FAM221B: variants seen among roughly 807,000 people sequenced by gnomAD.
FAM221B encodes the protein protein FAM221B.
In FAM221B, 35 loss-of-function variants were observed where a neutral mutation model predicts 39.8. The observed-to-expected ratio is 0.88, with a 90% confidence interval of 0.67 to 1.17. The LOEUF is 1.17. Among genes scored for constraint, FAM221B ranks in the 50% most tolerant of loss-of-function variants. FAM221B has a pLI of 0.00. For synonymous variants in FAM221B, 158 were observed against 178.1 expected (o/e 0.89, Z 0.90); for missense variants, 479 against 503.1 (o/e 0.95, Z 0.46).
Position 35,826,024 on chromosome 9 carries a change from C to T in FAM221B, c.138G>A (p.Glu46=), listed in dbSNP as rs766763073. The T allele has an allele frequency of 3.1e-6, 5 of 1,614,066 alleles. No individual in the cohort carries two copies. The highest frequency in any genetic ancestry group is 1.1e-5 in the South Asian group (1 of 91,078). ...CAGAGGTATGGGGCTCTAACGGGGT[C>T]TCAGAGGTGGAAGGCTTCAAGAAGC... ...SESFLKPSTS[E]TPLEPHTSES... Residue 46 remains glutamate (E), a synonymous_variant, in exon 2 of 7, where the codon GAG becomes GAA. Coordinates refer to ENST00000423537, the MANE Select transcript of FAM221B (RefSeq NM_001012446.4).
rs147573108 is a variant in FAM221B, at chr9:35,826,477, A to C, written c.1-316T>G. The stretch of plus-strand genomic sequence containing the variant: ...CATGTCCCAGGAGGGAGTCTGAACA[A>C]CACCACTTGGGCAGTCCAAGAGCAG... On this transcript the variant is annotated intron_variant, in intron 1 of 6. Transcript: ENST00000423537. Among the ~76,000 whole-genome samples the C allele has an allele frequency of 5.0e-3, 762 of 152,258 alleles. 1 individual carries two copies. The highest frequency in any genetic ancestry group is 8.5e-3 in the Non-Finnish European group (576 of 68,002).
intron 3 of FAM221B, chr9:35,821,735 T>G: frequency 1.0e-5 from 6 of 590,846 alleles, no homozygotes; most frequent in Non-Finnish European, 1.7e-5. Flanking sequence ...TAGGAATCAG[T>G]GCCCAGCATT....
Position 35,819,342 on chromosome 9 carries a change from A to G in FAM221B, c.906T>C (p.Phe302=). The G allele has an allele frequency of 1.9e-6, 3 of 1,551,750 alleles. No homozygotes were observed. In the African/African-American group the frequency reaches 4.1e-5, roughly 21 times the overall value. Residue 302 remains phenylalanine (F), a synonymous_variant, in exon 5 of 7, where the codon TTT becomes TTC. Transcript: ENST00000423537. ...CCACCTCCTCTGGGCGTGATGGGAT[A>G]AAGCAGAACATGAAGCAGCGGCACT... ...VSQCRCFMFC[F]IPSRPEEVGE... is the part of the protein sequence containing the mutation.
chr9:35,825,782 T>C lies in FAM221B; in HGVS notation c.380A>G (p.Asp127Gly), dbSNP rs187463739. ...CLSSSDTLKE[D>G]LSSESSSNEV... ...ATTGGAAGAAGACTCAGAGGAGAGG[T>C]CTTCCTTCAGAGTATCAGAAGAAGA... is the stretch of plus-strand genomic sequence containing the variant. The change falls in exon 2 of 7, where the codon GAC (aspartate) becomes GGC (glycine). Residue 127 changes from aspartate to glycine, a missense_variant. Coordinates refer to ENST00000423537, the MANE Select transcript of FAM221B (RefSeq NM_001012446.4). This position sits in a 1 kb window ranked among gnomAD's most constrained non-coding sequence, Gnocchi z 4.2. The C allele has an allele frequency of 9.5e-5, 153 of 1,613,462 alleles. 2 individuals are homozygous for C. The East Asian group carries it at 3.2e-3, about 34-fold the overall frequency.
chr9:35,818,506 C>T lies in FAM221B; in HGVS notation c.1172G>A (p.Gly391Glu), dbSNP rs945502997. ...KTRQRGGRPR[G>E]TDTVSNWHRP... ...GTGCCAGTTGCTGACAGTGTCTGTC[C>T]CTGGAGGAAGAAAGAGCAGAGGTGA... Residue 391 changes from glycine to glutamate, a missense_variant and splice_region_variant, in exon 7 of 7, where the codon GGG becomes GAG. Coordinates refer to ENST00000423537, the MANE Select transcript of FAM221B (RefSeq NM_001012446.4). 1.3e-6 allele frequency: 2 copies of T among 1,551,660 alleles called. No homozygotes were observed. Among genetic ancestry groups the T allele is most frequent in the Admixed American group, 2.0e-5 (1 of 50,994 alleles).
intron 3 of FAM221B, among the ~76,000 whole-genome samples, chr9:35,824,030 G>C (rs551191943): frequency 6.6e-6 from 1 of 152,044 alleles, no homozygotes. Context: ...GTGGTGGGGC[G>C]GGAGGGCAAG....
chr9:35,826,184 G>A, intron 1 of FAM221B, 23 bp from the exon 2 acceptor site: 3 of 1,530,268 alleles, frequency 2.0e-6, no homozygotes, highest in Non-Finnish European at 2.6e-6. Context: ...CAGGGTACAG[G>A]CTTCATTAGG....
chr9:35,819,773 G>C lies in FAM221B; in HGVS notation c.853+117C>G, dbSNP rs1829105125. The C allele has an allele frequency of 7.8e-6, 6 of 765,892 alleles. No homozygotes were observed. In the Admixed American group the frequency reaches 1.3e-4, roughly 17 times the overall value. 47.4% of individuals were successfully genotyped at this position (765,892 alleles called of 1,614,324 possible). A position where few individuals can be genotyped will look rare whatever the true frequency, so the allele number is the denominator to read the frequency against. ...ACCCGCCTCCGCCTCCCAAAGTGCT[G>C]GGATTACAGGGGTGAGCCACCGTGC... is the stretch of plus-strand genomic sequence containing the variant. On this transcript the variant is annotated intron_variant, in intron 4 of 6. Transcript: ENST00000423537.
In FAM221B at chr9:35,817,253, C is replaced by A. The variant is rs1284414938; in HGVS notation, c.*1216G>T. The A allele has an allele frequency of 6.6e-6, 1 of 152,276 alleles. No individual in the cohort carries two copies. Among genetic ancestry groups the A allele is most frequent in the Admixed American group, 6.5e-5 (1 of 15,286 alleles). The allele number at this position is 152,276 out of a possible 1,614,324, so 9.4% of individuals were successfully genotyped here. A position where few individuals can be genotyped will look rare whatever the true frequency, so the allele number is the denominator to read the frequency against. On this transcript the variant is annotated 3_prime_UTR_variant, in exon 7 of 7. Coordinates refer to ENST00000423537, the MANE Select transcript of FAM221B (RefSeq NM_001012446.4). ...CCTTGGCCCACAGTTTTCTCTACTTCAAGCACTTATCACCTTCACTTGCCC... is the reference window on the plus strand; with the variant it reads ...CCTTGGCCCACAGTTTTCTCTACTTAAAGCACTTATCACCTTCACTTGCCC...
At position 35,816,728 on chromosome 9, in the gene FAM221B, T is replaced by C. The variant is rs1829030753; in HGVS notation, c.*1741A>G. The C allele has an allele frequency of 6.6e-6, 1 of 152,238 alleles. No homozygotes were observed. Among genetic ancestry groups the C allele is most frequent in the East Asian group, 1.9e-4 (1 of 5,208 alleles). The allele number at this position is 152,238 out of a possible 1,614,324, so 9.4% of individuals were successfully genotyped here. On this transcript the variant is annotated 3_prime_UTR_variant, in exon 7 of 7. Coordinates refer to ENST00000423537, the MANE Select transcript of FAM221B (RefSeq NM_001012446.4). Reference sequence around the variant, plus strand: ...TAGAGATATAACAATCTCTTTTGTATAGCTATATTATTGTTAGAAAATCCT... The same window carrying C: ...TAGAGATATAACAATCTCTTTTGTACAGCTATATTATTGTTAGAAAATCCT...
Position 35,828,292 on chromosome 9 carries a change from A to AAACAACAAC in FAM221B, c.-1+162_-1+170dup, listed in dbSNP as rs372358720. Among the ~76,000 whole-genome samples, 4,376 of 125,924 alleles carry AAACAACAAC rather than the reference A, an allele frequency of 0.035. 86 individuals are homozygous for AAACAACAAC. Among genetic ancestry groups the AAACAACAAC allele is most frequent in the Admixed American group, 0.046 (563 of 12,322 alleles). 82.6% of individuals were successfully genotyped at this position (125,924 alleles called of 152,430 possible). A position where few individuals can be genotyped will look rare whatever the true frequency, so the allele number is the denominator to read the frequency against. On this transcript the variant is annotated intron_variant, in intron 1 of 6. Transcript: ENST00000423537. The surrounding 1 kb of genome is among the most constrained non-coding windows in gnomAD (Gnocchi z 4.5). ...GGGGGACAGAGCGAGACTCTGTCTCAAACAACAACAACAACAACAACAACA... is the reference window on the plus strand; with the variant it reads ...GGGGGACAGAGCGAGACTCTGTCTCAAACAACAACAACAACAACAACAACAACAACAACA...
intron 6 of FAM221B, 41 bp downstream of exon 6, chr9:35,818,849 C>T: frequency 6.5e-7 from 1 of 1,549,880 alleles, no homozygotes; most frequent in African/African-American, 1.4e-5. Flanking sequence ...CTTCTGACTA[C>T]AGACCCTGGA....
intron 4 of FAM221B, 102 bp from the exon 5 acceptor site, chr9:35,819,496 G>T (rs1476396322): frequency 2.8e-6 from 3 of 1,074,204 alleles, no homozygotes; most frequent in Non-Finnish European, 2.6e-6. Flanking sequence ...ACGCAGACAT[G>T]CTTTTTTTTT....
Position 35,818,087 on chromosome 9 carries a change from C to G in FAM221B, c.*382G>C. On this transcript the variant is annotated 3_prime_UTR_variant, in exon 7 of 7. Coordinates refer to ENST00000423537, the MANE Select transcript of FAM221B (RefSeq NM_001012446.4). ...TCTTTAAGAGACTCCTTGAAACTCA[C>G]TGCTGTTTGACTCCTGCCTCCACTG... The G allele has an allele frequency of 4.7e-6, 1 of 213,584 alleles. No homozygotes were observed. Among genetic ancestry groups the G allele is most frequent in the South Asian group, 8.4e-5 (1 of 11,914 alleles). The allele number at this position is 213,584 out of a possible 1,614,324, so 13.2% of individuals were successfully genotyped here.
In FAM221B at chr9:35,826,100, G is replaced by A. The variant is rs546166280; in HGVS notation, c.62C>T (p.Pro21Leu). The A allele has an allele frequency of 1.2e-6, 2 of 1,612,378 alleles. No homozygotes were observed. Among genetic ancestry groups the A allele is most frequent in the African/African-American group, 1.3e-5 (1 of 74,912 alleles). ...GTCCTCAGCAGAGGGGTCCTTTGAA[G>A]GGGGGTGCTTCTCTGCATCCATGGT... Reference protein sequence around the residue: ...HITMDAEKHPPSKDPSAEDLQ... With the variant: ...HITMDAEKHPLSKDPSAEDLQ... Residue 21 changes from proline to leucine, a missense_variant, in exon 2 of 7, where the codon CCT becomes CTT. Transcript: ENST00000423537.
chr9:35,824,655 T>C (rs921415138), intron 3 of FAM221B, among the ~76,000 whole-genome samples: 4 of 151,798 alleles, frequency 2.6e-5, no homozygotes, highest in Admixed American at 2.6e-4. Flanking sequence ...GCCATGACCC[T>C]TCTGTTTTTT....
In FAM221B at chr9:35,819,975, G is replaced by C; in HGVS notation, c.768C>G (p.Pro256=). 1 of 1,613,962 alleles carries C rather than the reference G, an allele frequency of 6.2e-7. No individual in the cohort carries two copies. The highest frequency in any genetic ancestry group is 1.1e-5 in the South Asian group (1 of 91,054). Residue 256 remains proline (P), a synonymous_variant, in exon 4 of 7, where the codon CCC becomes CCG. Transcript: ENST00000423537. ...QTGLYIGWRC[P]HYLWDCFRIG... ...TCCGGAAACAGTCCCATAGGTAATG[G>C]GGGCAGCGCCAGCCAATGTAGAGAC...
intron 3 of FAM221B, 119 bp from the exon 4 acceptor site, chr9:35,820,119 G>T (rs1564005670): frequency 1.6e-6 from 1 of 635,462 alleles, no homozygotes; most frequent in South Asian, 2.0e-5. Flanking sequence ...CCACCCCCAG[G>T]TATCTTTATC....
At chr9:35,819,452 C>T in intron 4 of FAM221B, 58 bp from the exon 5 acceptor site, 2 of 1,451,858 alleles carry the variant, frequency 1.4e-6, no homozygotes, top group Non-Finnish European at 1.9e-6. Flanking sequence ...CTTCTCATGC[C>T]AACCCCATCC....
Sources: gnomAD v4.1 joint callset for allele counts (sites outside exome capture counted in the v4.1 genomes callset) on GRCh38, gnomAD v4.1.1 for gene constraint, Gnocchi (gnomAD v3.1) non-coding constraint, MANE v1.5 for transcripts, NCBI Gene and HGNC (gene_info 2026-07-23, HGNC 2026-07-21) for gene names.